The following HDGF variants were observed in gnomAD, a reference collection of about 807,000 sequenced individuals.
HDGF encodes hepatoma-derived growth factor.
Under a neutral mutation model 30.0 loss-of-function variants are expected in HDGF, and 5 were observed. The ratio of observed to expected loss-of-function variants is 0.17; its 90% confidence interval spans 0.09 to 0.35. HDGF has a LOEUF of 0.35. HDGF is among the 10% of genes least tolerant of loss of function. The pLI is 1.00. For synonymous variants in HDGF, 133 were observed against 112.7 expected, an observed-to-expected ratio of 1.18 and a Z score of -1.14; for missense variants, 214 against 302.8, an observed-to-expected ratio of 0.71 and a Z score of 2.18.
At position 156,765,472 on chromosome 1, in the gene HDGF, C is replaced by CTTTT. The variant is rs71080793; in HGVS notation, n.136+1314_136+1317dup. 4.0e-3 allele frequency among the ~76,000 whole-genome samples: 342 copies of CTTTT among 85,972 alleles called. 4 individuals carry two copies. The highest frequency in any genetic ancestry group is 6.2e-3 in the Admixed American group (37 of 6,012). The allele number at this position is 85,972 out of a possible 152,430, so 56.4% of individuals were successfully genotyped here. A position where few individuals can be genotyped will look rare whatever the true frequency, so the allele number is the denominator to read the frequency against. ...TCCTTCTTTCCTTCTTTCTTTCTTT[C>CTTTT]TTTTTTTTTTTTTTTTTTTTGAGAT... is the stretch of plus-strand genomic sequence containing the variant. On this transcript the variant is annotated intron_variant and non_coding_transcript_variant, in intron 1 of 7. Transcript: ENST00000465180.
chr1:156,763,915 T>C (rs1285004391), intron 1 of HDGF, among the ~76,000 whole-genome samples: 1 of 151,842 alleles, frequency 6.6e-6, no homozygotes. Flanking sequence ...AAATTTTTAC[T>C]GAGACAGGGT....
chr1:156,744,988 T>TG lies in HDGF; in HGVS notation c.303+19dup. ...CCACATCTGCTTTCCAGGGGGTCTC[T>TG]GGGGCAGGCGGTGGCTCACCTGATA... On this transcript the variant is annotated intron_variant, in intron 3 of 5. Coordinates refer to ENST00000357325, the MANE Select transcript of HDGF (RefSeq NM_004494.3). The TG allele has an allele frequency of 6.2e-7, 1 of 1,613,600 alleles. No homozygotes were observed. Among genetic ancestry groups the TG allele is most frequent in the Non-Finnish European group, 8.5e-7 (1 of 1,179,594 alleles).
chr1:156,745,384 A>G lies in HDGF; in HGVS notation c.88-11T>C, dbSNP rs753573951. The stretch of plus-strand genomic sequence containing the variant: ...AGGCATCTCGTCAATCTGGGGTGAG[A>G]TGAGGGGGTGAGGTTAGCTAGAGTC... On this transcript the variant is annotated splice_polypyrimidine_tract_variant and intron_variant, in intron 1 of 5. Coordinates refer to ENST00000357325, the MANE Select transcript of HDGF (RefSeq NM_004494.3). The G allele has an allele frequency of 1.7e-5, 27 of 1,612,230 alleles. No individual in the cohort carries two copies. In the East Asian group the frequency reaches 6.0e-4, roughly 36 times the overall value.
chr1:156,749,985 G>T (rs1650852771), intron 1 of HDGF, among the ~76,000 whole-genome samples: 1 of 152,198 alleles, frequency 6.6e-6, no homozygotes, highest in Non-Finnish European at 1.5e-5. Flanking sequence ...GCTTCTCTTT[G>T]TACTTCACTC....
chr1:156,751,915 G>A, upstream of HDGF: 2 of 1,027,074 alleles, frequency 1.9e-6, no homozygotes, highest in South Asian at 3.5e-5. This position sits in a 1 kb window ranked among gnomAD's most constrained non-coding sequence, Gnocchi z 4.7. Context: ...GGAGCCGATC[G>A]CCGAGCACGC....
upstream of HDGF, among the ~76,000 whole-genome samples, chr1:156,753,958 C>T (rs781125367): frequency 2.0e-4 from 30 of 152,048 alleles, no homozygotes; most frequent in Middle Eastern, 3.4e-3. Context: ...CTCTGTTCCC[C>T]GGGCTACAGT....
intron 1 of HDGF, among the ~76,000 whole-genome samples, chr1:156,765,472 C>CTTTCTTTCT (rs1159054263): frequency 1.2e-5 from 1 of 85,982 alleles, no homozygotes; most frequent in African/African-American, 4.7e-5. Flanking sequence ...TTCTTTCTTT[C>CTTTCTTTCT]TTTTTTTTTT....
At chr1:156,753,801 G>T (rs574249552), upstream of HDGF, among the ~76,000 whole-genome samples, 2 of 152,172 alleles carry the variant, frequency 1.3e-5, no homozygotes, top group Middle Eastern at 3.4e-3. Flanking sequence ...TGCCCACTTT[G>T]GGCCCTCCAA....
intron 4 of HDGF, 132 bp from the exon 5 acceptor site, chr1:156,744,010 T>C: frequency 2.8e-6 from 3 of 1,053,418 alleles, no homozygotes; most frequent in South Asian, 2.6e-5. Flanking sequence ...CTGAAATGCC[T>C]TCTGTGTCCC....
chr1:156,752,425 C>A (rs1651039515), upstream of HDGF: 1 of 1,450,700 alleles, frequency 6.9e-7, no homozygotes. Flanking sequence ...GGCTAGCTAA[C>A]CCCGCAAAGA....
chr1:156,744,412 ACCCT>A (rs1650369305), intron 3 of HDGF, 64 bp from the exon 4 acceptor site: 2 of 1,574,750 alleles, frequency 1.3e-6, no homozygotes, highest in Admixed American at 3.4e-5. Flanking sequence ...CCCTCCCCAG[ACCCT>A]CCCTCAGCCA....
At position 156,744,199 on chromosome 1, in the gene HDGF, T is replaced by C. The variant is rs779083482; in HGVS notation, c.453A>G (p.Lys151=). 6 of 1,614,072 alleles carry C rather than the reference T, an allele frequency of 3.7e-6. No homozygotes were observed. The East Asian group carries it at 1.1e-4, about 30-fold the overall frequency. The change falls in exon 4 of 6, where the codon AAA becomes AAG. Residue 151 remains lysine, a synonymous_variant. Transcript: ENST00000357325. The part of the protein sequence containing the change: ...IDEPAKEKNE[K]GALKRRAGDL... ...CCCCTGCTCTCCTCTTCAACGCTCC[T>C]TTCTCGTTCTTCTCCTTGGCTGGCT...
chr1:156,766,437 G>T (rs982913655), intron 1 of HDGF, among the ~76,000 whole-genome samples: 1 of 152,000 alleles, frequency 6.6e-6, no homozygotes, highest in Non-Finnish European at 1.5e-5. Context: ...CAAGTAGAGG[G>T]CACTCAGTCA....
Position 156,743,885 on chromosome 1 carries a change from A to G in HDGF, c.490-7T>C. ...TGGGACGTTTAGGAGAGTCCTAGGCAGGATCAACAGAGGAAGTGGGCTGAG... is the reference window on the plus strand; with the variant it reads ...TGGGACGTTTAGGAGAGTCCTAGGCGGGATCAACAGAGGAAGTGGGCTGAG... On this transcript the variant is annotated splice_region_variant and splice_polypyrimidine_tract_variant and intron_variant, in intron 4 of 5. Coordinates refer to ENST00000357325, the MANE Select transcript of HDGF (RefSeq NM_004494.3). 1.2e-6 allele frequency: 2 copies of G among 1,604,454 alleles called. No homozygotes were observed. The highest frequency in any genetic ancestry group is 1.7e-6 in the Non-Finnish European group (2 of 1,171,356).
chr1:156,764,472 C>T (rs1389658997), intron 1 of HDGF, among the ~76,000 whole-genome samples: 1 of 152,224 alleles, frequency 6.6e-6, no homozygotes, highest in Non-Finnish European at 1.5e-5. Context: ...GCTGGGATTA[C>T]AGGCGTGAGC....
upstream of HDGF, among the ~76,000 whole-genome samples, chr1:156,753,604 T>C (rs1571558895): frequency 6.6e-6 from 1 of 152,194 alleles, no homozygotes; most frequent in African/African-American, 2.4e-5. Flanking sequence ...CAGGCTGGAG[T>C]GCAGTGGCCA....
intron 1 of HDGF, among the ~76,000 whole-genome samples, chr1:156,746,514 T>C (rs1269544699): frequency 2.6e-5 from 4 of 152,214 alleles, no homozygotes; most frequent in African/African-American, 7.2e-5. Flanking sequence ...CAAAATAACA[T>C]AGCAAGTTGT....
At chr1:156,745,477 G>A (rs1034659340) in intron 1 of HDGF, 104 bp from the exon 2 acceptor site, 12 of 943,888 alleles carry the variant, frequency 1.3e-5, no homozygotes, top group East Asian at 5.3e-5. Flanking sequence ...CAGACTGAGA[G>A]GGACCCAGGA....
intron 1 of HDGF, among the ~76,000 whole-genome samples, chr1:156,760,554 GTCAT>G (rs1651232784): frequency 6.6e-6 from 1 of 152,180 alleles, no homozygotes; most frequent in African/African-American, 2.4e-5. Flanking sequence ...CATTTACCCG[GTCAT>G]TCATTTATTC....
Sources: allele counts gnomAD v4.1 joint callset (sites outside exome capture counted in the v4.1 genomes callset), GRCh38; gene constraint gnomAD v4.1.1; non-coding constraint Gnocchi (gnomAD v3.1); transcripts MANE v1.5; gene names NCBI Gene and HGNC (gene_info 2026-07-23, HGNC 2026-07-21).